Variants in SGCE observed in about 807,000 individuals in gnomAD.
SGCE encodes the protein sarcoglycan epsilon.
A neutral mutation model predicts 57.8 loss-of-function variants in SGCE; 26 were observed. The observed-to-expected ratio is 0.45, with a 90% CI of 0.33 to 0.62. The LOEUF is 0.62. SGCE is among the 20% of genes least tolerant of loss of function. SGCE has a pLI of 0.02. For synonymous variants in SGCE, 183 were observed against 189.5 expected, an observed-to-expected ratio of 0.97 and a Z score of 0.28; for missense variants, 468 against 548.6, an observed-to-expected ratio of 0.85 and a Z score of 1.47.
At chr7:94,619,176 G>A (rs1802388576) in intron 4 of SGCE, 1 of 506,922 alleles carries the variant, frequency 2.0e-6, no homozygotes, top group Non-Finnish European at 3.5e-6. Flanking sequence ...AAAATCCAAG[G>A]CTCATCAGAG....
chr7:94,640,923 C>A, intron 1 of SGCE: 1 of 152,402 alleles, frequency 6.6e-6, no homozygotes. Flanking sequence ...GCTGGGATTA[C>A]AGGTGTGGGC....
intron 4 of SGCE, chr7:94,619,157 CA>C (rs1323100648): frequency 2.0e-5 from 11 of 563,950 alleles, no homozygotes; most frequent in Non-Finnish European, 3.1e-5. Flanking sequence ...ACTTTATCTA[CA>C]ATATAATAAA....
At chr7:94,616,208 A>T (rs1291713259) in intron 5 of SGCE, among the ~76,000 whole-genome samples, 1 of 152,070 alleles carries the variant, frequency 6.6e-6, no homozygotes, top group Non-Finnish European at 1.5e-5. Flanking sequence ...ACGGTAGTAG[A>T]TTTACTCTGA....
At position 94,629,776 on chromosome 7, in the gene SGCE, C is replaced by T; in HGVS notation, c.175G>A (p.Val59Ile). The change falls in exon 2 of 11, where the codon GTT becomes ATT. Residue 59 changes from valine (V) to isoleucine (I), a missense_variant. Coordinates refer to ENST00000648936, the MANE Select transcript of SGCE (RefSeq NM_003919.3). ...AAATATTCTCTTTCCAAAACATGAA[C>T]AAAGAGGACACCTGCTGATGGGTAT... Reference protein sequence around the residue: ...NVYPSAGVLFVHVLEREYFKG... With the variant: ...NVYPSAGVLFIHVLEREYFKG... 1.2e-6 allele frequency: 2 copies of T among 1,611,028 alleles called. No homozygotes were observed. Among genetic ancestry groups the T allele is most frequent in the Non-Finnish European group, 1.7e-6 (2 of 1,177,794 alleles).
chr7:94,588,850 G>T (rs1040833166), intron 9 of SGCE, 118 bp from the exon 10 acceptor site: 37 of 1,071,736 alleles, frequency 3.5e-5, no homozygotes, highest in Non-Finnish European at 4.8e-5. Context: ...ATGTAATCCA[G>T]CACAATTCCC....
intron 10 of SGCE, chr7:94,587,243 T>C (rs895392788): frequency 1.0e-6 from 1 of 985,898 alleles, no homozygotes; most frequent in Middle Eastern, 5.2e-4. Context: ...GAGTACTTGC[T>C]AAAAAATCTA....
At chr7:94,612,150 C>G (rs939606248) in intron 5 of SGCE, among the ~76,000 whole-genome samples, 2 of 152,118 alleles carry the variant, frequency 1.3e-5, no homozygotes, top group African/African-American at 2.4e-5. Flanking sequence ...TAATGGCCCT[C>G]TTGCTTAGAC....
At chr7:94,608,149 G>GC (rs936046187) in intron 5 of SGCE, among the ~76,000 whole-genome samples, 2 of 152,096 alleles carry the variant, frequency 1.3e-5, no homozygotes, top group Non-Finnish European at 2.9e-5. Flanking sequence ...TTTGAGACCA[G>GC]CCTGGCCAAC....
intron 1 of SGCE, among the ~76,000 whole-genome samples, chr7:94,654,212 G>A (rs1209319348): frequency 6.6e-6 from 1 of 151,852 alleles, no homozygotes; most frequent in Non-Finnish European, 1.5e-5. Flanking sequence ...TACTAATTAC[G>A]TTTTTTAAAA....
chr7:94,656,058 G>A lies in SGCE; in HGVS notation c.41C>T (p.Ala14Val), dbSNP rs2117138245. 1 of 1,613,268 alleles carries A rather than the reference G, an allele frequency of 6.2e-7. No individual in the cohort carries two copies. The highest frequency in any genetic ancestry group is 8.5e-7 in the Non-Finnish European group (1 of 1,179,326). ...PRWWELGDPC[A>V]WTGQGRGTRR... ...TGTCCCCCGACCCTGTCCCGTCCAA[G>A]CACAGGGGTCTCCCAGCTCCCACCA... The change falls in exon 1 of 11, where the codon GCT becomes GTT. Residue 14 changes from alanine to valine, a missense_variant. Transcript: ENST00000648936.
intron 10 of SGCE, chr7:94,587,688 TTTAA>T: frequency 1.3e-6 from 2 of 1,531,346 alleles, no homozygotes; most frequent in Admixed American, 2.2e-5. Flanking sequence ...CATGTTAGCA[TTTAA>T]TTAAAGCAAG....
intron 1 of SGCE, among the ~76,000 whole-genome samples, chr7:94,649,397 A>T (rs942211273): frequency 1.3e-5 from 2 of 152,224 alleles, no homozygotes; most frequent in Non-Finnish European, 2.9e-5. Context: ...CCAAGGTAAC[A>T]TCTTTAAGTT....
intron 10 of SGCE, among the ~76,000 whole-genome samples, chr7:94,586,104 T>C (rs1343656134): frequency 2.9e-5 from 3 of 104,828 alleles, no homozygotes; most frequent in African/African-American, 1.1e-4. Context: ...CTTCAAGATA[T>C]ACTTTCCCCT....
At chr7:94,620,968 A>T (rs892510463) in intron 4 of SGCE, 2 of 152,218 alleles carry the variant, frequency 1.3e-5, no homozygotes, top group African/African-American at 4.8e-5. Flanking sequence ...AGGCCAACAG[A>T]TTGGTGGCAG....
At chr7:94,647,479 C>G (rs563098513) in intron 1 of SGCE, among the ~76,000 whole-genome samples, 2 of 152,312 alleles carry the variant, frequency 1.3e-5, no homozygotes, top group East Asian at 3.9e-4. Context: ...TCTGACCCCT[C>G]CAACCTTTTC....
At chr7:94,645,905 A>T (rs1285553715) in intron 1 of SGCE, among the ~76,000 whole-genome samples, 2 of 152,218 alleles carry the variant, frequency 1.3e-5, no homozygotes, top group African/African-American at 2.4e-5. Context: ...AATGAAAAAA[A>T]ACTATCATCA....
Position 94,634,971 on chromosome 7 carries a change from A to G in SGCE, c.110-5130T>C, listed in dbSNP as rs2117012421. 2.0e-5 allele frequency among the ~76,000 whole-genome samples: 3 copies of G among 152,368 alleles called. No individual in the cohort carries two copies. The Middle Eastern group carries it at 0.01, about 518-fold the overall frequency. ...TACATATTCGATATGTGGGAAATAC[A>G]CTGCACAATTTAAACGAAGAGATCT... On this transcript the variant is annotated intron_variant, in intron 1 of 10. Transcript: ENST00000648936.
At chr7:94,616,747 C>CAA (rs543817713) in intron 5 of SGCE, 5 of 152,024 alleles carry the variant, frequency 3.3e-5, no homozygotes, top group Non-Finnish European at 5.9e-5. Context: ...TTTGCAGCGA[C>CAA]AAACTTTTTT....
chr7:94,590,952 T>G (rs1307045056), intron 9 of SGCE: 1 of 152,208 alleles, frequency 6.6e-6, no homozygotes, highest in Non-Finnish European at 1.5e-5. Context: ...AGAGTTTTTT[T>G]TAATGTTTCA....
Sources: gnomAD v4.1 joint callset for allele counts (sites outside exome capture counted in the v4.1 genomes callset) on GRCh38, gnomAD v4.1.1 for gene constraint, MANE v1.5 for transcripts, NCBI Gene and HGNC (gene_info 2026-07-23, HGNC 2026-07-21) for gene names.